The following CARMIL2 variants were observed in gnomAD, a reference collection of about 807,000 sequenced individuals.
The protein encoded by CARMIL2 is capping protein, Arp2/3 and myosin-I linker protein 2.
CARMIL2 carries 96 observed loss-of-function variants against 173.3 expected under a neutral mutation model. The observed-to-expected ratio is 0.55, with a 90% confidence interval of 0.47 to 0.66. The LOEUF (loss-of-function observed/expected upper bound fraction) is 0.66, where lower values mean the gene tolerates loss of function less well. CARMIL2 is among the 30% of genes least tolerant of loss of function. CARMIL2 has a pLI of 0.00. For synonymous variants in CARMIL2, 830 were observed against 817.1 expected, an observed-to-expected ratio of 1.02 and a Z score of -0.27; for missense variants, 1,771 against 1,906.7, an observed-to-expected ratio of 0.93 and a Z score of 1.33.
Position 67,648,889 on chromosome 16 carries a change from A to T in CARMIL2, c.1510-4A>T, listed in dbSNP as rs1436441664. On this transcript the variant is annotated splice_region_variant and splice_polypyrimidine_tract_variant and intron_variant, in intron 16 of 37. Coordinates refer to ENST00000334583, the MANE Select transcript of CARMIL2 (RefSeq NM_001013838.3). The surrounding 1 kb of genome is among the most constrained non-coding windows in gnomAD (Gnocchi z 6.1). ...ACTTCCCACCTCCCACCTCCCACAT[A>T]CAGCTGCGCTCGGCCGGCGCCCAGG... The T allele has an allele frequency of 6.2e-7, 1 of 1,602,326 alleles. No homozygotes were observed. The highest frequency in any genetic ancestry group is 1.7e-5 in the Admixed American group (1 of 58,378).
chr16:67,651,701 C>T lies in CARMIL2; in HGVS notation c.2444C>T (p.Thr815Ile), dbSNP rs1309503109. The T allele has an allele frequency of 2.5e-6, 4 of 1,606,892 alleles. No individual in the cohort carries two copies. The highest frequency in any genetic ancestry group is 1.7e-5 in the Admixed American group (1 of 58,922). The change falls in exon 25 of 38, where the codon ACA (threonine) becomes ATA (isoleucine). Residue 815 changes from threonine to isoleucine, a missense_variant. This residue lies in a region of CARMIL2 where 817 missense variants were observed against 903.5 expected (regional missense o/e 0.90). Transcript: ENST00000334583. The surrounding 1 kb of genome is among the most constrained non-coding windows in gnomAD (Gnocchi z 4.2). ...TTTGTCTAGGACTTCACTCAGGCCA[C>T]ACTGGACACAGCAAGGAGCCTCTGC... Reference protein sequence around the residue: ...RQDIQDFTQATLDTARSLCPQ... With the variant: ...RQDIQDFTQAILDTARSLCPQ...
At position 67,652,346 on chromosome 16, in the gene CARMIL2, G is replaced by A; in HGVS notation, c.2817+7G>A. ...GGAAGAGGAGAAGGAGAAGGTAAGTGGTTTTAGAACACGGGGCATGGCACT... is the reference window on the plus strand; with the variant it reads ...GGAAGAGGAGAAGGAGAAGGTAAGTAGTTTTAGAACACGGGGCATGGCACT... On this transcript the variant is annotated splice_region_variant and intron_variant, in intron 27 of 37. Coordinates refer to ENST00000334583, the MANE Select transcript of CARMIL2 (RefSeq NM_001013838.3). The surrounding 1 kb of genome is among the most constrained non-coding windows in gnomAD (Gnocchi z 4.7). The A allele has an allele frequency of 1.2e-6, 2 of 1,613,198 alleles. No homozygotes were observed. The highest frequency in any genetic ancestry group is 1.1e-5 in the South Asian group (1 of 91,064).
chr16:67,649,558 G>A lies in CARMIL2; in HGVS notation c.1858G>A (p.Ala620Thr), dbSNP rs2142925339. 6.2e-7 allele frequency: 1 copy of A among 1,603,332 alleles called. No individual in the cohort carries two copies. The highest frequency in any genetic ancestry group is 8.5e-7 in the Non-Finnish European group (1 of 1,179,716). The part of the protein sequence containing the change: ...NLTALDISGN[A>T]MGDAGAKLLA... Reference sequence around the variant, plus strand: ...GACCGCGCTGGATATCAGCGGCAACGCCATGGGGGACGCGGGCGCCAAGTT... The same window carrying A: ...GACCGCGCTGGATATCAGCGGCAACACCATGGGGGACGCGGGCGCCAAGTT... The change falls in exon 20 of 38, where the codon GCC (alanine) becomes ACC (threonine). Residue 620 changes from alanine (A) to threonine (T), a missense_variant. This residue lies in a region of CARMIL2 where 944 missense variants were observed against 975.6 expected (regional missense o/e 0.97). Transcript: ENST00000334583. This position sits in a 1 kb window ranked among gnomAD's most constrained non-coding sequence, Gnocchi z 6.7.
chr16:67,646,221 C>T lies in CARMIL2; in HGVS notation c.285C>T (p.Val95=). 1 of 1,613,800 alleles carries T rather than the reference C, an allele frequency of 6.2e-7. No individual in the cohort carries two copies. The highest frequency in any genetic ancestry group is 8.5e-7 in the Non-Finnish European group (1 of 1,179,878). ...TFELESLREL[V]LEFPGVAALE... is the part of the protein sequence containing the mutation. ...AGCTGGAGTCCCTGCGTGAGCTGGT[C>T]CTGGAGTTTCCTGGTGTGGCCGCCC... Residue 95 remains valine, a synonymous_variant, in exon 5 of 38, where the codon GTC becomes GTT. Coordinates refer to ENST00000334583, the MANE Select transcript of CARMIL2 (RefSeq NM_001013838.3). This position sits in a 1 kb window ranked among gnomAD's most constrained non-coding sequence, Gnocchi z 4.6.
chr16:67,645,506 G>C, intron 1 of CARMIL2, 34 bp from the exon 2 acceptor site: 1 of 1,540,812 alleles, frequency 6.5e-7, no homozygotes. Context: ...TCTGTGCAAG[G>C]ACTGAAGTCA....
At position 67,653,170 on chromosome 16, in the gene CARMIL2, G is replaced by C; in HGVS notation, c.3036G>C (p.Ala1012=). 4.5e-6 allele frequency: 5 copies of C among 1,112,074 alleles called. No homozygotes were observed. Among genetic ancestry groups the C allele is most frequent in the Non-Finnish European group, 5.5e-6 (5 of 911,024 alleles). 68.9% of individuals were successfully genotyped at this position (1,112,074 alleles called of 1,614,324 possible). A position where few individuals can be genotyped will look rare whatever the true frequency, so the allele number is the denominator to read the frequency against. ...TGCCCCGCATGGACCTGCCACTGGC[G>C]GGGCAGCCCCTGCGCCATCCGACCC... The part of the protein sequence containing the change: ...GPLPRMDLPL[A]GQPLRHPTRA... Residue 1012 remains alanine, a synonymous_variant, in exon 29 of 38, where the codon GCG becomes GCC. Transcript: ENST00000334583. The surrounding 1 kb of genome is among the most constrained non-coding windows in gnomAD (Gnocchi z 7.4).
rs553051754 is a variant in CARMIL2 at position 67,649,981 on chromosome 16, C to T, written c.2082+13C>T. On this transcript the variant is annotated intron_variant, in intron 21 of 37. Transcript: ENST00000334583. The surrounding 1 kb of genome is among the most constrained non-coding windows in gnomAD (Gnocchi z 6.7). Reference sequence around the variant, plus strand: ...TGCAGTCCATCAGGTGGGCGTCCCCCTCTTCCCTTGCCCTTCTCTGCACGG... The same window carrying T: ...TGCAGTCCATCAGGTGGGCGTCCCCTTCTTCCCTTGCCCTTCTCTGCACGG... 6.2e-7 allele frequency: 1 copy of T among 1,613,476 alleles called. No individual in the cohort carries two copies. The highest frequency in any genetic ancestry group is 8.5e-7 in the Non-Finnish European group (1 of 1,179,718).
At chr16:67,654,081 G>GC (rs2052782614) in intron 29 of CARMIL2, 68 bp from the exon 30 acceptor site, 2 of 77,084 alleles carry the variant, frequency 2.6e-5, no homozygotes, top group South Asian at 8.5e-4. Context: ...GCTGCCGGCC[G>GC]GGGGGGGGGG....
At position 67,648,673 on chromosome 16, in the gene CARMIL2, G is replaced by A. The variant is rs1259737392; in HGVS notation, c.1440-12G>A. ...CCCAGCTCCCGCCACCCCGTGTAACGTCCTCTCCCAGAGCCCTTTTGGATG... is the reference window on the plus strand; with the variant it reads ...CCCAGCTCCCGCCACCCCGTGTAACATCCTCTCCCAGAGCCCTTTTGGATG... On this transcript the variant is annotated splice_polypyrimidine_tract_variant and intron_variant, in intron 15 of 37. Coordinates refer to ENST00000334583, the MANE Select transcript of CARMIL2 (RefSeq NM_001013838.3). This position sits in a 1 kb window ranked among gnomAD's most constrained non-coding sequence, Gnocchi z 6.1. The A allele has an allele frequency of 1.2e-6, 2 of 1,600,424 alleles. No individual in the cohort carries two copies. The highest frequency in any genetic ancestry group is 1.3e-5 in the African/African-American group (1 of 74,472).
Position 67,652,555 on chromosome 16 carries a change from G to T in CARMIL2, c.2884+17G>T. ...TCATTCACAGTAAGTCAGGGCCTTG[G>T]GGGAGGGAGTTTACGTGGGTGGGCT... On this transcript the variant is annotated intron_variant, in intron 28 of 37. Coordinates refer to ENST00000334583, the MANE Select transcript of CARMIL2 (RefSeq NM_001013838.3). The surrounding 1 kb of genome is among the most constrained non-coding windows in gnomAD (Gnocchi z 4.7). 1 of 1,612,384 alleles carries T rather than the reference G, an allele frequency of 6.2e-7. No individual in the cohort carries two copies. The highest frequency in any genetic ancestry group is 8.5e-7 in the Non-Finnish European group (1 of 1,179,162).
rs2052749505 is a variant in CARMIL2 at position 67,652,692 on chromosome 16, A to G, written c.2884+154A>G. Among the ~76,000 whole-genome samples, 1 of 152,138 alleles carries G rather than the reference A, an allele frequency of 6.6e-6. No individual in the cohort carries two copies. The highest frequency in any genetic ancestry group is 6.5e-5 in the Admixed American group (1 of 15,290). ...GTCGGGCCCCTTGTGCAACCTGCAA[A>G]GCTGGGGTCTGCTGTGGTCAGCCCG... On this transcript the variant is annotated intron_variant, in intron 28 of 37. Transcript: ENST00000334583. This position sits in a 1 kb window ranked among gnomAD's most constrained non-coding sequence, Gnocchi z 4.7.
chr16:67,652,075 G>T lies in CARMIL2; in HGVS notation c.2676+67G>T, dbSNP rs1444689588. ...ATGCAGTGACTTGGCCATCTCCCTT[G>T]CAGGGGCTCTGTAATGTCTTCTGGG... On this transcript the variant is annotated intron_variant, in intron 26 of 37. Coordinates refer to ENST00000334583, the MANE Select transcript of CARMIL2 (RefSeq NM_001013838.3). This position sits in a 1 kb window ranked among gnomAD's most constrained non-coding sequence, Gnocchi z 4.7. 6.2e-7 allele frequency: 1 copy of T among 1,604,108 alleles called. No homozygotes were observed. Among genetic ancestry groups the T allele is most frequent in the Non-Finnish European group, 8.5e-7 (1 of 1,172,400 alleles).
At chr16:67,656,725 G>C (rs1310455605) in intron 35 of CARMIL2, 76 bp from the exon 36 acceptor site, 1 of 1,563,794 alleles carries the variant, frequency 6.4e-7, no homozygotes, top group South Asian at 1.1e-5. Context: ...GCTCCTCTAA[G>C]GACCCTGAGG....
Position 67,654,000 on chromosome 16 carries a change from G to A in CARMIL2, c.3121-149G>A. On this transcript the variant is annotated intron_variant, in intron 29 of 37. Coordinates refer to ENST00000334583, the MANE Select transcript of CARMIL2 (RefSeq NM_001013838.3). The surrounding 1 kb of genome is among the most constrained non-coding windows in gnomAD (Gnocchi z 7.4). ...ATCTGGAGTCTCTGTCCAGCAGCAG[G>A]ACAGTAGGAGGCTGGTATCAGCAGC... 1 of 606,994 alleles carries A rather than the reference G, an allele frequency of 1.6e-6. No individual in the cohort carries two copies. The highest frequency in any genetic ancestry group is 2.8e-5 in the East Asian group (1 of 36,052). The allele number at this position is 606,994 out of a possible 1,614,324, so 37.6% of individuals were successfully genotyped here. A position where few individuals can be genotyped will look rare whatever the true frequency, so the allele number is the denominator to read the frequency against.
chr16:67,653,737 G>C lies in CARMIL2; in HGVS notation c.3121-412G>C, dbSNP rs1176192606. Among the ~76,000 whole-genome samples, 2 of 151,684 alleles carry C rather than the reference G, an allele frequency of 1.3e-5. No individual in the cohort carries two copies. Among genetic ancestry groups the C allele is most frequent in the Non-Finnish European group, 2.9e-5 (2 of 67,846 alleles). ...CTTGAGGCCCCCCAGAGGGTCTGAC[G>C]CAGCAGCCGGCGCCACTGAGCCGGC... On this transcript the variant is annotated intron_variant, in intron 29 of 37. Transcript: ENST00000334583. This position sits in a 1 kb window ranked among gnomAD's most constrained non-coding sequence, Gnocchi z 7.4.
chr16:67,653,169 C>T lies in CARMIL2; in HGVS notation c.3035C>T (p.Ala1012Val). The T allele has an allele frequency of 9.0e-7, 1 of 1,109,848 alleles. No individual in the cohort carries two copies. The highest frequency in any genetic ancestry group is 1.1e-6 in the Non-Finnish European group (1 of 909,552). 68.8% of individuals were successfully genotyped at this position (1,109,848 alleles called of 1,614,324 possible). ...GPLPRMDLPL[A>V]GQPLRHPTRA... Reference sequence around the variant, plus strand: ...CTGCCCCGCATGGACCTGCCACTGGCGGGGCAGCCCCTGCGCCATCCGACC... The same window carrying T: ...CTGCCCCGCATGGACCTGCCACTGGTGGGGCAGCCCCTGCGCCATCCGACC... Residue 1012 changes from alanine to valine, a missense_variant, in exon 29 of 38, where the codon GCG becomes GTG. By Grantham distance (64) the Ala-to-Val change is moderately conservative (BLOSUM62 0). Coordinates refer to ENST00000334583, the MANE Select transcript of CARMIL2 (RefSeq NM_001013838.3). This position sits in a 1 kb window ranked among gnomAD's most constrained non-coding sequence, Gnocchi z 7.4.
At position 67,648,524 on chromosome 16, in the gene CARMIL2, C is replaced by T; in HGVS notation, c.1439+22C>T. 6.9e-7 allele frequency: 1 copy of T among 1,458,902 alleles called. No individual in the cohort carries two copies. The highest frequency in any genetic ancestry group is 1.4e-5 in the African/African-American group (1 of 70,062). 90.4% of individuals were successfully genotyped at this position (1,458,902 alleles called of 1,614,324 possible). A position where few individuals can be genotyped will look rare whatever the true frequency, so the allele number is the denominator to read the frequency against. ...TCAGGTCAGTGTCGGACCCCGGCCA[C>T]GCCCCCGCGGGCGCTCCCACCCTGC... On this transcript the variant is annotated intron_variant, in intron 15 of 37. Coordinates refer to ENST00000334583, the MANE Select transcript of CARMIL2 (RefSeq NM_001013838.3). This position sits in a 1 kb window ranked among gnomAD's most constrained non-coding sequence, Gnocchi z 6.1.
rs2052757953 is a variant in CARMIL2 at position 67,652,965 on chromosome 16, GCCGCCA to G, written c.2885-51_2885-46del. 1.1e-5 allele frequency: 11 copies of G among 1,007,114 alleles called. No homozygotes were observed. Among genetic ancestry groups the G allele is most frequent in the Non-Finnish European group, 1.3e-5 (10 of 769,106 alleles). The allele number at this position is 1,007,114 out of a possible 1,614,324, so 62.4% of individuals were successfully genotyped here. On this transcript the variant is annotated intron_variant, in intron 28 of 37. Coordinates refer to ENST00000334583, the MANE Select transcript of CARMIL2 (RefSeq NM_001013838.3). This position sits in a 1 kb window ranked among gnomAD's most constrained non-coding sequence, Gnocchi z 4.7. Reference sequence around the variant, plus strand: ...GGTCCCCCGCCGCCCTAGCGCCTCCGCCGCCACCTCCCCGGGCTCGGCGCTCGGTGC... The same window carrying G: ...GGTCCCCCGCCGCCCTAGCGCCTCCGCCTCCCCGGGCTCGGCGCTCGGTGC...
chr16:67,648,286 GAC>G lies in CARMIL2; in HGVS notation c.1307_1308del (p.Asp436GlyfsTer94). On this transcript the variant is annotated frameshift_variant, in exon 14 of 38. Transcript: ENST00000334583. LOFTEE classifies it high-confidence loss of function. This position sits in a 1 kb window ranked among gnomAD's most constrained non-coding sequence, Gnocchi z 6.1. ...CTGCTGCACCAGCCTTACCCACCTCGACGCTTCGAGGAACGTCTTCTCCCGCA... is the reference window on the plus strand; with the variant it reads ...CTGCTGCACCAGCCTTACCCACCTCGGCTTCGAGGAACGTCTTCTCCCGCA... ...RGCCTSLTHL[D>X]ASRNVFSRTK... 6.3e-7 allele frequency: 1 copy of G among 1,594,304 alleles called. No homozygotes were observed. Among genetic ancestry groups the G allele is most frequent in the Non-Finnish European group, 8.5e-7 (1 of 1,176,518 alleles).
Sources: gnomAD v4.1 joint callset for allele counts (sites outside exome capture counted in the v4.1 genomes callset) on GRCh38, gnomAD v4.1.1 for gene constraint, gnomAD v4.1.1 regional missense constraint, Gnocchi (gnomAD v3.1) non-coding constraint, MANE v1.5 for transcripts, NCBI Gene and HGNC (gene_info 2026-07-23, HGNC 2026-07-21) for gene names.